The following UBE3B variants were observed in gnomAD, a reference collection of about 807,000 sequenced individuals.
The protein encoded by UBE3B is ubiquitin-protein ligase E3B.
Under a neutral mutation model 132.3 loss-of-function variants are expected in UBE3B, and 80 were observed. That is an observed-to-expected ratio of 0.60 (90% CI 0.50 to 0.73). The LOEUF is 0.73. Among genes scored for constraint, UBE3B ranks in the 30% least tolerant of loss-of-function variants. UBE3B has a pLI of 0.00. For synonymous variants in UBE3B, 487 were observed against 520.4 expected, an observed-to-expected ratio of 0.94 and a Z score of 0.87; for missense variants, 1,196 against 1,362.5, an observed-to-expected ratio of 0.88 and a Z score of 1.92.
At chr12:109,478,727 G>A (rs1413665983) in intron 1 of UBE3B, among the ~76,000 whole-genome samples, 1 of 152,256 alleles carries the variant, frequency 6.6e-6, no homozygotes, top group Non-Finnish European at 1.5e-5. Flanking sequence ...GTTGCAGTGA[G>A]CAGAGTTCGC....
chr12:109,490,079 T>G, intron 8 of UBE3B, 75 bp downstream of exon 8: 1 of 1,401,512 alleles, frequency 7.1e-7, no homozygotes, highest in East Asian at 2.3e-5. Flanking sequence ...ACATTTGCAT[T>G]CAGCATACCT....
intron 13 of UBE3B, among the ~76,000 whole-genome samples, chr12:109,502,390 C>T (rs892496861): frequency 9.2e-5 from 14 of 152,144 alleles, no homozygotes; most frequent in Admixed American, 4.6e-4. Flanking sequence ...TCTCGTTGCA[C>T]GCTCTTATTA....
chr12:109,517,209 C>T (rs1180357609), intron 19 of UBE3B, among the ~76,000 whole-genome samples: 1 of 152,216 alleles, frequency 6.6e-6, no homozygotes, highest in African/African-American at 2.4e-5. Context: ...CTAACACTCT[C>T]AGGTCTGTGC....
At chr12:109,530,506 A>C in intron 25 of UBE3B, 41 bp from the exon 26 acceptor site, 1 of 1,581,140 alleles carries the variant, frequency 6.3e-7, no homozygotes, top group Non-Finnish European at 8.7e-7. Flanking sequence ...ATAAGTGCCC[A>C]CGCTAGCACA....
In UBE3B at chr12:109,497,856, G is replaced by A. The variant is rs749323192; in HGVS notation, c.752G>A (p.Arg251Gln). 16 of 1,614,062 alleles carry A rather than the reference G, an allele frequency of 9.9e-6. No individual in the cohort carries two copies. In the South Asian group the frequency reaches 1.1e-4, roughly 11 times the overall value. Residue 251 changes from arginine (R) to glutamine (Q), a missense_variant, in exon 10 of 28, where the codon CGG becomes CAG. Transcript: ENST00000342494. ...IAAQFSDNLI[R>Q]PFLIHIMSVP... is the part of the protein sequence containing the mutation. The stretch of plus-strand genomic sequence containing the variant: ...GCACAGTTCTCAGACAATCTGATTC[G>A]GCCGTTCCTCATCCACATCATGTCT...
At chr12:109,501,315 C>T in intron 12 of UBE3B, 56 bp from the exon 13 acceptor site, 2 of 1,605,690 alleles carry the variant, frequency 1.2e-6, no homozygotes, top group South Asian at 1.1e-5. Context: ...TGTGGGCTGG[C>T]CCTGGCCCTG....
intron 12 of UBE3B, among the ~76,000 whole-genome samples, chr12:109,501,036 C>G (rs1566088322): frequency 6.6e-6 from 1 of 152,130 alleles, no homozygotes; most frequent in Non-Finnish European, 1.5e-5. Context: ...GGCCCCCCAC[C>G]ACCTGCAAGC....
At chr12:109,544,004 T>G in the UBE3B span, among the ~76,000 whole-genome samples, 2 of 151,784 alleles carry the variant, frequency 1.3e-5, no homozygotes, top group Non-Finnish European at 2.9e-5. Flanking sequence ...TCGGCCTCTG[T>G]CTTGGAGGGT....
intron 23 of UBE3B, among the ~76,000 whole-genome samples, chr12:109,526,106 A>G (rs539231100): frequency 4.8e-4 from 73 of 152,308 alleles, no homozygotes; most frequent in African/African-American, 1.7e-3. Flanking sequence ...ATTCCCCTCC[A>G]TGACATCCCG....
chr12:109,484,167 C>A, intron 4 of UBE3B, 186 bp downstream of exon 4: 1 of 569,800 alleles, frequency 1.8e-6, no homozygotes, highest in Non-Finnish European at 2.9e-6. Flanking sequence ...AATCTTTTCA[C>A]ATTGACCATT....
Position 109,521,448 on chromosome 12 carries a change from G to T in UBE3B, c.2261G>T (p.Ser754Ile). The T allele has an allele frequency of 6.3e-7, 1 of 1,581,966 alleles. No individual in the cohort carries two copies. Among genetic ancestry groups the T allele is most frequent in the Non-Finnish European group, 8.6e-7 (1 of 1,158,312 alleles). Residue 754 changes from serine to isoleucine, a missense_variant, in exon 21 of 28, where the codon AGT becomes ATT. Physicochemically the swap from Ser to Ile is moderately radical, Grantham distance 142. Transcript: ENST00000342494. This position sits in a 1 kb window ranked among gnomAD's most constrained non-coding sequence, Gnocchi z 4.2. ...DPALNLFKTT[S>I]GDERLYPSPT... ...CGTCTTTTTGCCTTGCAGACAACCA[G>T]TGGGGATGAGAGGCTGTACCCCTCA... is the stretch of plus-strand genomic sequence containing the variant.
chr12:109,483,614 A>G lies in UBE3B; in HGVS notation c.63A>G (p.Glu21=), dbSNP rs761850046. 1.2e-6 allele frequency: 2 copies of G among 1,612,864 alleles called. No homozygotes were observed. The highest frequency in any genetic ancestry group is 1.1e-5 in the South Asian group (1 of 90,824). ...TCGATAGAGCCCGTCAGGCACGAGAAGAAAGGCTTGTGCAGAAGGAACGGG... is the reference window on the plus strand; with the variant it reads ...TCGATAGAGCCCGTCAGGCACGAGAGGAAAGGCTTGTGCAGAAGGAACGGG... ...WFIDRARQAR[E]ERLVQKERER... is the part of the protein sequence containing the mutation. Residue 21 remains glutamate, a synonymous_variant, in exon 3 of 28, where the codon GAA becomes GAG. Transcript: ENST00000342494.
At chr12:109,503,782 C>A (rs747815860) in intron 14 of UBE3B, among the ~76,000 whole-genome samples, 13 of 152,208 alleles carry the variant, frequency 8.5e-5, no homozygotes, top group Admixed American at 2.6e-4. Context: ...GGTTGCAGCA[C>A]AGTTGTTGTT....
At chr12:109,538,948 C>T (rs372773906), downstream of UBE3B, among the ~76,000 whole-genome samples, 1 of 152,152 alleles carries the variant, frequency 6.6e-6, no homozygotes, top group African/African-American at 2.4e-5. This position sits in a 1 kb window ranked among gnomAD's most constrained non-coding sequence, Gnocchi z 4.1. Context: ...TCAGAAGAAG[C>T]TGCATGGCCA....
At position 109,523,964 on chromosome 12, in the gene UBE3B, C is replaced by T; in HGVS notation, c.2365-14C>T. 6.2e-7 allele frequency: 1 copy of T among 1,613,544 alleles called. No homozygotes were observed. The highest frequency in any genetic ancestry group is 1.1e-5 in the South Asian group (1 of 91,052). On this transcript the variant is annotated splice_polypyrimidine_tract_variant and intron_variant, in intron 21 of 27. Transcript: ENST00000342494. ...TCCTGGCTGATGGACAGCTCTGCTT[C>T]TCTGCTCTCCCAGGGAATTGTGGTG...
rs747158016 is a variant in UBE3B at position 109,511,212 on chromosome 12, A to T, written c.1865A>T (p.Lys622Ile). The change falls in exon 18 of 28, where the codon AAA (lysine) becomes ATA (isoleucine). Residue 622 changes from lysine (K) to isoleucine (I), a missense_variant. Coordinates refer to ENST00000342494, the MANE Select transcript of UBE3B (RefSeq NM_130466.4). The part of the protein sequence containing the change: ...PEDHWLRKDL[K>I]PSVLFQELDR... ...ATGTCTTTCTTCTCAAGGGATCTCA[A>T]ACCTAGCGTGCTCTTCCAAGAACTC... The T allele has an allele frequency of 4.3e-6, 7 of 1,614,012 alleles. No homozygotes were observed. The highest frequency in any genetic ancestry group is 1.3e-5 in the African/African-American group (1 of 75,018).
the UBE3B span, among the ~76,000 whole-genome samples, chr12:109,545,731 C>T: frequency 1.3e-5 from 2 of 152,200 alleles, no homozygotes; most frequent in Non-Finnish European, 2.9e-5. Flanking sequence ...GCTGCCTCCA[C>T]TGCTTGTCCC....
At chr12:109,510,322 T>C in intron 16 of UBE3B, 22 bp from the exon 17 acceptor site, 1 of 1,575,254 alleles carries the variant, frequency 6.3e-7, no homozygotes, top group Non-Finnish European at 8.6e-7. Context: ...TCCTCTGACT[T>C]TCCTGTTTGT....
At chr12:109,530,120 A>G (rs1882795899) in intron 25 of UBE3B, 48 bp downstream of exon 25, 2 of 1,606,780 alleles carry the variant, frequency 1.2e-6, no homozygotes, top group Non-Finnish European at 1.7e-6. Flanking sequence ...CCTCCCAGAA[A>G]GCCAGCTGCT....
Sources: allele counts gnomAD v4.1 joint callset (sites outside exome capture counted in the v4.1 genomes callset), GRCh38; gene constraint gnomAD v4.1.1; non-coding constraint Gnocchi (gnomAD v3.1); transcripts MANE v1.5; gene names NCBI Gene and HGNC (gene_info 2026-07-23, HGNC 2026-07-21).